Variants in PCDH15 observed in about 807,000 individuals in gnomAD.
PCDH15 encodes protocadherin related 15.
A neutral mutation model predicts 178.5 loss-of-function variants in PCDH15; 129 were observed. That is an observed-to-expected ratio of 0.72 (90% confidence interval 0.63 to 0.84). PCDH15 has a LOEUF of 0.84. Ranked by LOEUF, PCDH15 falls within the 40% of genes least tolerant of loss-of-function variation. The pLI is 0.00. For missense variants in PCDH15, 2,230 were observed against 2,099.9 expected (o/e 1.06, Z -1.21); for synonymous variants, 800 against 732.0 (o/e 1.09, Z -1.50).
At chr10:54,809,559 A>T (rs750426272) in intron 3 of PCDH15, among the ~76,000 whole-genome samples, 19 of 152,204 alleles carry the variant, frequency 1.2e-4, no homozygotes, top group Non-Finnish European at 4.4e-5. Flanking sequence ...CACACTATGT[A>T]TACATTGTAT....
chr10:54,323,265 G>A (rs1026274884), intron 7 of PCDH15, among the ~76,000 whole-genome samples: 1 of 152,006 alleles, frequency 6.6e-6, no homozygotes, highest in African/African-American at 2.4e-5. Context: ...GCTGTTGGTG[G>A]GTATGTAAAT....
intron 1 of PCDH15, among the ~76,000 whole-genome samples, chr10:54,757,862 A>G (rs1947366310): frequency 6.6e-6 from 1 of 152,142 alleles, no homozygotes; most frequent in South Asian, 2.1e-4. Flanking sequence ...GCCAAACATC[A>G]TGGGATGCAA....
chr10:53,971,636 C>T (rs1022075149), intron 21 of PCDH15, among the ~76,000 whole-genome samples: 1 of 152,020 alleles, frequency 6.6e-6, no homozygotes, highest in African/African-American at 2.4e-5. Flanking sequence ...CATTCCTATA[C>T]ACCGATAACA....
intron 1 of PCDH15, among the ~76,000 whole-genome samples, chr10:55,252,526 C>T (rs1165989772): frequency 6.6e-6 from 1 of 152,040 alleles, no homozygotes; most frequent in Non-Finnish European, 1.5e-5. Flanking sequence ...TTTCATCTAT[C>T]CTTAGAAATC....
At chr10:55,248,746 A>G (rs1413791498) in intron 1 of PCDH15, among the ~76,000 whole-genome samples, 1 of 152,028 alleles carries the variant, frequency 6.6e-6, no homozygotes, top group African/African-American at 2.4e-5. Context: ...TTGTAGAGAC[A>G]GGGTTTTGCC....
At chr10:54,982,318 T>G (rs575339855) in intron 2 of PCDH15, among the ~76,000 whole-genome samples, 9 of 152,100 alleles carry the variant, frequency 5.9e-5, no homozygotes, top group Non-Finnish European at 1.3e-4. Flanking sequence ...AACTAAACAG[T>G]ATGTAGAAAA....
At chr10:54,392,009 T>C (rs1351642858) in intron 3 of PCDH15, among the ~76,000 whole-genome samples, 1 of 152,188 alleles carries the variant, frequency 6.6e-6, no homozygotes, top group African/African-American at 2.4e-5. Flanking sequence ...ATAATAACAC[T>C]GTGGTACTGG....
chr10:54,706,553 A>C (rs1265850353), intron 1 of PCDH15, among the ~76,000 whole-genome samples: 1 of 152,166 alleles, frequency 6.6e-6, no homozygotes, highest in Non-Finnish European at 1.5e-5. Flanking sequence ...TTTTACACCT[A>C]CCATACCTGG....
chr10:55,575,008 A>T (rs982730274), intron 2 of PCDH15, among the ~76,000 whole-genome samples: 1 of 152,100 alleles, frequency 6.6e-6, no homozygotes, highest in Admixed American at 6.6e-5. Context: ...AATAAAGTGT[A>T]TAATTCCTTC....
chr10:54,246,713 G>A (rs921491390), intron 8 of PCDH15, among the ~76,000 whole-genome samples: 1 of 151,820 alleles, frequency 6.6e-6, no homozygotes, highest in African/African-American at 2.4e-5. Context: ...AAGTTGCAGA[G>A]TATGTATACA....
intron 28 of PCDH15, among the ~76,000 whole-genome samples, chr10:53,849,284 A>T (rs2078187551): frequency 6.6e-6 from 1 of 151,712 alleles, no homozygotes; most frequent in Non-Finnish European, 1.5e-5. Flanking sequence ...TCTTTTTTTT[A>T]TATTACATCT....
chr10:54,099,533 A>T (rs1029841276), intron 15 of PCDH15, among the ~76,000 whole-genome samples: 4 of 143,452 alleles, frequency 2.8e-5, no homozygotes, highest in South Asian at 4.3e-4. Flanking sequence ...TATATATATA[A>T]AACAAAAAAC....
intron 26 of PCDH15, among the ~76,000 whole-genome samples, chr10:53,894,171 C>G (rs1217615708): frequency 6.6e-6 from 1 of 152,042 alleles, no homozygotes; most frequent in Non-Finnish European, 1.5e-5. Context: ...AATTTAAATT[C>G]TAGTAGGAAA....
At chr10:54,062,068 T>C (rs1456486911) in intron 18 of PCDH15, among the ~76,000 whole-genome samples, 1 of 151,330 alleles carries the variant, frequency 6.6e-6, no homozygotes, top group Non-Finnish European at 1.5e-5. Flanking sequence ...CTACTAAAAG[T>C]ACAAAAATTT....
chr10:55,195,076 T>G (rs996408924), intron 1 of PCDH15, among the ~76,000 whole-genome samples: 1 of 148,796 alleles, frequency 6.7e-6, no homozygotes, highest in East Asian at 2.0e-4. Flanking sequence ...CAGGCTGGAG[T>G]GCACTGGTGG....
At chr10:54,510,084 TC>T (rs1439765798) in intron 3 of PCDH15, among the ~76,000 whole-genome samples, 1 of 152,210 alleles carries the variant, frequency 6.6e-6, no homozygotes, top group Non-Finnish European at 1.5e-5. Context: ...GAGCTATTGC[TC>T]CTTGTTCCAT....
intron 3 of PCDH15, among the ~76,000 whole-genome samples, chr10:54,447,034 CA>C (rs2076182235): frequency 6.6e-6 from 1 of 151,588 alleles, no homozygotes; most frequent in Non-Finnish European, 1.5e-5. Context: ...TCTCTGGCTG[CA>C]AACAAACCTC....
chr10:54,871,186 A>G (rs1269411813), intron 3 of PCDH15, among the ~76,000 whole-genome samples: 3 of 152,170 alleles, frequency 2.0e-5, no homozygotes, highest in South Asian at 4.1e-4. Flanking sequence ...GAGAACCACT[A>G]CTTGATCTGA....
chr10:55,350,257 A>ATATATATATATATATATG lies in PCDH15; in HGVS notation c.-155-183607_-155-183606insCATATATATATATATATA, dbSNP rs1233086885. 4.5e-5 allele frequency among the ~76,000 whole-genome samples: 3 copies of ATATATATATATATATATG among 67,094 alleles called. No homozygotes were observed. The East Asian group carries it at 1.1e-3, about 25-fold the overall frequency. 44.0% of individuals were successfully genotyped at this position (67,094 alleles called of 152,430 possible). A position where few individuals can be genotyped will look rare whatever the true frequency, so the allele number is the denominator to read the frequency against. On this transcript the variant is annotated intron_variant, in intron 2 of 5. Coordinates refer to the PCDH15 transcript ENST00000613346. ...TATATATATATATATATATATATATATATATATATATACACACACACACAC... is the reference window on the plus strand; with the variant it reads ...TATATATATATATATATATATATATATATATATATATATATATGTATATATATATACACACACACACAC...
Sources: gnomAD v4.1 joint callset for allele counts (sites outside exome capture counted in the v4.1 genomes callset) on GRCh38, gnomAD v4.1.1 for gene constraint, MANE v1.5 for transcripts, NCBI Gene and HGNC (gene_info 2026-07-23, HGNC 2026-07-21) for gene names.